The following EFHD1 variants were observed in gnomAD, a reference collection of about 807,000 sequenced individuals.
EFHD1 encodes the protein EF-hand domain family member D1, also known as EF-hand domain-containing protein D1.
EFHD1 carries 10 observed loss-of-function variants against 17.2 expected under a neutral mutation model. The observed-to-expected ratio is 0.58, with a 90% confidence interval of 0.36 to 0.99. The LOEUF is 0.99. EFHD1 is among the 50% of genes least tolerant of loss of function. The pLI is 0.01. For synonymous variants in EFHD1, 153 were observed against 142.0 expected, an observed-to-expected ratio of 1.08 and a Z score of -0.55; for missense variants, 310 against 327.5, an observed-to-expected ratio of 0.95 and a Z score of 0.41.
At chr2:232,656,922 A>G (rs1694774653) in intron 1 of EFHD1, among the ~76,000 whole-genome samples, 1 of 151,994 alleles carries the variant, frequency 6.6e-6, no homozygotes, top group Non-Finnish European at 1.5e-5. Flanking sequence ...GGGACCGCAG[A>G]TGTGGGCCAC....
At chr2:232,645,106 G>C (rs1405676034) in intron 1 of EFHD1, among the ~76,000 whole-genome samples, 1 of 151,874 alleles carries the variant, frequency 6.6e-6, no homozygotes, top group East Asian at 1.9e-4. Flanking sequence ...TTTAATCTTA[G>C]CCTAGCACAC....
rs1043014508 is a variant in EFHD1, at chr2:232,681,653, G to A, written c.654G>A (p.Arg218=). The A allele has an allele frequency of 3.1e-6, 5 of 1,613,352 alleles. No homozygotes were observed. The highest frequency in any genetic ancestry group is 4.2e-6 in the Non-Finnish European group (5 of 1,179,516). The change falls in exon 4 of 4, where the codon CGG becomes CGA. Residue 218 remains arginine, a synonymous_variant. Transcript: ENST00000264059. ...ELKAEQDERK[R]EEEERRLRQA... ...AAGCTGAGCAAGATGAGCGGAAGCG[G>A]GAGGAGGAGGAGAGGCGGCTCCGCC...
At chr2:232,664,717 C>T (rs1282103490) in intron 2 of EFHD1, among the ~76,000 whole-genome samples, 1 of 149,702 alleles carries the variant, frequency 6.7e-6, no homozygotes, top group Non-Finnish European at 1.5e-5. Context: ...GGGTTCACGC[C>T]ATTCTCCTGC....
chr2:232,666,293 A>T (rs1209445984), intron 2 of EFHD1, among the ~76,000 whole-genome samples: 1 of 152,196 alleles, frequency 6.6e-6, no homozygotes, highest in Non-Finnish European at 1.5e-5. Context: ...CCTCCGTGCC[A>T]CTTGGCCTGC....
At chr2:232,644,244 C>T (rs1244863180) in intron 1 of EFHD1, among the ~76,000 whole-genome samples, 5 of 152,134 alleles carry the variant, frequency 3.3e-5, no homozygotes, top group Admixed American at 2.0e-4. Flanking sequence ...TTGGCTGCTA[C>T]CCTGTGTCTC....
At chr2:232,632,490 ATGT>A (rs1694221335), upstream of EFHD1, among the ~76,000 whole-genome samples, 1 of 152,206 alleles carries the variant, frequency 6.6e-6, no homozygotes, top group Non-Finnish European at 1.5e-5. Flanking sequence ...CGCCTGGCTG[ATGT>A]AACAGCGGCA....
chr2:232,616,980 C>T (rs577104237), intron 1 of EFHD1, among the ~76,000 whole-genome samples: 4 of 152,296 alleles, frequency 2.6e-5, no homozygotes, highest in East Asian at 1.9e-4. Flanking sequence ...CATCTGGAGG[C>T]GACCCTAGTG....
At chr2:232,643,551 ATT>A (rs1207741246) in intron 1 of EFHD1, among the ~76,000 whole-genome samples, 5 of 140,202 alleles carry the variant, frequency 3.6e-5, no homozygotes, top group Admixed American at 1.4e-4. Flanking sequence ...CACCTGGCTA[ATT>A]TTTTTTTTTT....
chr2:232,680,809 C>T (rs74472723), intron 3 of EFHD1, among the ~76,000 whole-genome samples: 6,914 of 151,920 alleles, frequency 0.046, 541 homozygotes, highest in African/African-American at 0.16. Flanking sequence ...GCGCCCAGCC[C>T]AGGGAGAAAT....
intron 1 of EFHD1, among the ~76,000 whole-genome samples, chr2:232,636,774 G>C (rs1023988922): frequency 1.4e-4 from 22 of 152,212 alleles, no homozygotes; most frequent in African/African-American, 5.3e-4. Flanking sequence ...AGTGAGCCGA[G>C]ATCACGCCAT....
At chr2:232,624,340 G>A (rs1443227387) in intron 1 of EFHD1, among the ~76,000 whole-genome samples, 2 of 152,300 alleles carry the variant, frequency 1.3e-5, no homozygotes, top group Admixed American at 6.5e-5. Context: ...GATGACAGGA[G>A]CCACAGGGGG....
At chr2:232,660,949 G>T (rs1694855489) in intron 1 of EFHD1, among the ~76,000 whole-genome samples, 1 of 152,042 alleles carries the variant, frequency 6.6e-6, no homozygotes, top group African/African-American at 2.4e-5. Flanking sequence ...CTGCACTCCA[G>T]CCTGGGTGAC....
chr2:232,616,552 G>A (rs1693932093), intron 1 of EFHD1, among the ~76,000 whole-genome samples: 1 of 152,168 alleles, frequency 6.6e-6, no homozygotes, highest in Non-Finnish European at 1.5e-5. Flanking sequence ...ACCCACCTCG[G>A]CCTCCCAAAG....
At chr2:232,673,904 C>T in intron 3 of EFHD1, among the ~76,000 whole-genome samples, 1 of 137,330 alleles carries the variant, frequency 7.3e-6, no homozygotes, top group African/African-American at 2.6e-5. Context: ...CTTAAGACTT[C>T]TTCTTTTTTT....
At chr2:232,633,096 G>A (rs765782684), upstream of EFHD1, 1 of 152,216 alleles carries the variant, frequency 6.6e-6, no homozygotes, top group African/African-American at 2.4e-5. Context: ...GTTCCAATGA[G>A]TGTTTGAAAA....
chr2:232,607,517 C>T (rs1693740234), intron 1 of EFHD1, among the ~76,000 whole-genome samples: 1 of 151,626 alleles, frequency 6.6e-6, no homozygotes, highest in South Asian at 2.1e-4. Flanking sequence ...TCACTTGAAC[C>T]TGGGAGGCGG....
chr2:232,649,772 G>T (rs1016783630), intron 1 of EFHD1: 1 of 152,294 alleles, frequency 6.6e-6, no homozygotes, highest in African/African-American at 2.4e-5. Context: ...TGGTGGGGCT[G>T]GTTTAGAATC....
chr2:232,638,303 G>A (rs558138044), intron 1 of EFHD1: 77 of 469,612 alleles, frequency 1.6e-4, no homozygotes, highest in Non-Finnish European at 3.1e-4. Context: ...TTAAAATGCA[G>A]CCGCAAGGTT....
intron 1 of EFHD1, among the ~76,000 whole-genome samples, chr2:232,627,994 G>A (rs566678512): frequency 5.3e-5 from 8 of 152,098 alleles, no homozygotes; most frequent in Admixed American, 2.0e-4. Flanking sequence ...AATGAGGCAC[G>A]GCAGGAAGAA....
Sources: gnomAD v4.1 joint callset for allele counts (sites outside exome capture counted in the v4.1 genomes callset) on GRCh38, gnomAD v4.1.1 for gene constraint, MANE v1.5 for transcripts, NCBI Gene and HGNC (gene_info 2026-07-23, HGNC 2026-07-21) for gene names.